MYO1D: variants seen among roughly 807,000 people sequenced by gnomAD.
MYO1D encodes myosin ID.
In MYO1D, 83 loss-of-function variants were observed where a neutral mutation model predicts 122.0. The ratio of observed to expected loss-of-function variants is 0.68; its 90% CI spans 0.57 to 0.82. The LOEUF (loss-of-function observed/expected upper bound fraction) is 0.82, where lower values mean the gene tolerates loss of function less well. Ranked by LOEUF, MYO1D falls within the 40% of genes least tolerant of loss-of-function variation. The probability of loss-of-function intolerance (pLI) is 0.00; values close to 1 mark genes in which losing one functional copy is unlikely to be tolerated. For synonymous variants in MYO1D, 464 were observed against 446.9 expected, an observed-to-expected ratio of 1.04 and a Z score of -0.48; for missense variants, 1,157 against 1,269.5, an observed-to-expected ratio of 0.91 and a Z score of 1.35.
intron 21 of MYO1D, among the ~76,000 whole-genome samples, chr17:32,564,408 TA>T (rs1454765802): frequency 6.6e-6 from 1 of 152,244 alleles, no homozygotes; most frequent in Non-Finnish European, 1.5e-5. Flanking sequence ...CTTTCCTTTC[TA>T]AGCCGACACC....
chr17:32,710,780 G>T (rs2089365851), intron 16 of MYO1D, among the ~76,000 whole-genome samples: 1 of 152,154 alleles, frequency 6.6e-6, no homozygotes, highest in Admixed American at 6.5e-5. Flanking sequence ...TGAATAGACA[G>T]TTTACAGGAA....
chr17:32,783,158 A>C (rs1271749873), intron 1 of MYO1D, among the ~76,000 whole-genome samples: 1 of 33,876 alleles, frequency 3.0e-5, no homozygotes, highest in Admixed American at 2.3e-4. Flanking sequence ...CTGTCCAAAC[A>C]AAAAAAAAAA....
rs768661061 is a variant in MYO1D at position 32,720,981 on chromosome 17, T to C, written c.1913+42A>G. The C allele has an allele frequency of 2.5e-6, 4 of 1,585,724 alleles. No individual in the cohort carries two copies. The Admixed American group carries it at 7.1e-5, about 28-fold the overall frequency. On this transcript the variant is annotated intron_variant, in intron 15 of 21. Coordinates refer to ENST00000318217, the MANE Select transcript of MYO1D (RefSeq NM_015194.3). ...CACTATTGTACGGGGAGGACTCCCT[T>C]ATTCTCAGTGAACTAGGCCTCTCTG...
chr17:32,684,348 G>T (rs2088974769), intron 16 of MYO1D: 1 of 152,154 alleles, frequency 6.6e-6, no homozygotes, highest in South Asian at 2.1e-4. Flanking sequence ...TTTCCTTCAT[G>T]ACTGTTACAC....
At chr17:32,516,790 T>C (rs1597869232) in intron 21 of MYO1D, among the ~76,000 whole-genome samples, 1 of 152,222 alleles carries the variant, frequency 6.6e-6, no homozygotes. Flanking sequence ...CATTGTTACC[T>C]GGGAGAGAGA....
intron 1 of MYO1D, among the ~76,000 whole-genome samples, chr17:32,865,235 C>G (rs997551972): frequency 1.3e-5 from 2 of 152,076 alleles, no homozygotes; most frequent in African/African-American, 4.8e-5. Flanking sequence ...ATACTGGACA[C>G]AAAGCAACAG....
intron 21 of MYO1D, among the ~76,000 whole-genome samples, chr17:32,573,012 C>A (rs1488954522): frequency 6.6e-6 from 1 of 152,082 alleles, no homozygotes; most frequent in Non-Finnish European, 1.5e-5. Flanking sequence ...CCTTTAAGAA[C>A]TGTTTTGTTC....
chr17:32,785,392 C>T (rs930765733), intron 1 of MYO1D, among the ~76,000 whole-genome samples: 7 of 152,142 alleles, frequency 4.6e-5, no homozygotes, highest in Admixed American at 6.5e-5. Context: ...TGAGGAGGAA[C>T]GTACACTTTC....
At chr17:32,855,247 T>G (rs1300928525) in intron 1 of MYO1D, among the ~76,000 whole-genome samples, 1 of 152,174 alleles carries the variant, frequency 6.6e-6, no homozygotes, top group East Asian at 1.9e-4. Flanking sequence ...TGTACACATC[T>G]TTAGTACACG....
chr17:32,606,301 A>G (rs576805810), intron 20 of MYO1D, among the ~76,000 whole-genome samples: 2 of 152,358 alleles, frequency 1.3e-5, no homozygotes, highest in South Asian at 2.1e-4. Flanking sequence ...CCAATTCACC[A>G]TATTTCTTCT....
chr17:32,697,154 A>G (rs773198570), intron 16 of MYO1D, among the ~76,000 whole-genome samples: 2 of 152,218 alleles, frequency 1.3e-5, no homozygotes, highest in Non-Finnish European at 2.9e-5. Flanking sequence ...GGGTGCACAC[A>G]TCTGCCCCCT....
Position 32,659,277 on chromosome 17 carries a change from A to G in MYO1D, c.2183T>C (p.Ile728Thr), listed in dbSNP as rs1271019773. 3 of 1,614,186 alleles carry G rather than the reference A, an allele frequency of 1.9e-6. No homozygotes were observed. The highest frequency in any genetic ancestry group is 2.5e-6 in the Non-Finnish European group (3 of 1,180,040). The change falls in exon 17 of 22, where the codon ATC (isoleucine) becomes ACC (threonine). Residue 728 changes from isoleucine to threonine, a missense_variant. Transcript: ENST00000318217. ...YKRTKAALTI[I>T]RYYRRYKVKS... ...CACTTTGTAGCGCCGGTAGTACCTGATTATTGTCAGAGCTGCCTTGGTTCT... is the reference window on the plus strand; with the variant it reads ...CACTTTGTAGCGCCGGTAGTACCTGGTTATTGTCAGAGCTGCCTTGGTTCT...
At chr17:32,589,693 A>C (rs1597914910) in intron 21 of MYO1D, among the ~76,000 whole-genome samples, 1 of 152,244 alleles carries the variant, frequency 6.6e-6, no homozygotes, top group East Asian at 1.9e-4. Flanking sequence ...AACAGGAGGA[A>C]GCTTCTTTAA....
intron 16 of MYO1D, among the ~76,000 whole-genome samples, chr17:32,701,296 C>A (rs1056643740): frequency 3.3e-5 from 5 of 152,108 alleles, no homozygotes; most frequent in Non-Finnish European, 5.9e-5. Context: ...CCAACAAATA[C>A]CCCCTTCCAG....
intron 3 of MYO1D, among the ~76,000 whole-genome samples, chr17:32,778,084 G>A: frequency 6.6e-6 from 1 of 152,150 alleles, no homozygotes; most frequent in East Asian, 1.9e-4. Context: ...CTGATGTGGT[G>A]CAAAGAGCAA....
chr17:32,616,938 T>C (rs978794040), intron 20 of MYO1D, among the ~76,000 whole-genome samples: 16 of 152,210 alleles, frequency 1.1e-4, no homozygotes, highest in Admixed American at 3.3e-4. Flanking sequence ...TGGTGGCTCA[T>C]GCCTGTAATC....
At chr17:32,861,605 CA>C (rs1389124871) in intron 1 of MYO1D, among the ~76,000 whole-genome samples, 1 of 152,158 alleles carries the variant, frequency 6.6e-6, no homozygotes, top group African/African-American at 2.4e-5. Flanking sequence ...GACCCTTCCG[CA>C]AAGTGTGGTC....
At position 32,638,833 on chromosome 17, in the gene MYO1D, T is replaced by A; in HGVS notation, c.2598A>T (p.Val866=). ...TGTCTTCCACCTTACTAAATCGATTTACCTGTAAGAGAACAAACCAATAAA... is the reference window on the plus strand; with the variant it reads ...TGTCTTCCACCTTACTAAATCGATTAACCTGTAAGAGAACAAACCAATAAA... The part of the protein sequence containing the change: ...NVLFSCHVRK[V]NRFSKVEDRA... Residue 866 remains valine, a splice_region_variant and synonymous_variant, in exon 20 of 22, where the codon GTA becomes GTT. Coordinates refer to ENST00000318217, the MANE Select transcript of MYO1D (RefSeq NM_015194.3). 1 of 1,594,116 alleles carries A rather than the reference T, an allele frequency of 6.3e-7. No homozygotes were observed. Among genetic ancestry groups the A allele is most frequent in the Non-Finnish European group, 8.6e-7 (1 of 1,161,958 alleles).
intron 14 of MYO1D, among the ~76,000 whole-genome samples, chr17:32,736,880 C>G (rs954943308): frequency 7.9e-5 from 12 of 152,162 alleles, no homozygotes; most frequent in African/African-American, 2.4e-4. Context: ...AGCTGAGATA[C>G]AAGAGTGAAG....
Sources: allele counts gnomAD v4.1 joint callset (sites outside exome capture counted in the v4.1 genomes callset), GRCh38; gene constraint gnomAD v4.1.1; transcripts MANE v1.5; gene names NCBI Gene and HGNC (gene_info 2026-07-23, HGNC 2026-07-21).